The following ATXN8OS variants were observed in gnomAD, a reference collection of about 807,000 sequenced individuals.
The protein encoded by ATXN8OS is ATXN8 opposite strand lncRNA.
chr13:70,135,845 A>C (rs568952537), intron 3 of ATXN8OS, among the ~76,000 whole-genome samples: 6 of 152,342 alleles, frequency 3.9e-5, no homozygotes, highest in African/African-American at 1.2e-4. Context: ...TATCTAAAAA[A>C]CAAAACAAAA....
chr13:70,108,290 G>A, intron 1 of ATXN8OS: 1 of 362,862 alleles, frequency 2.8e-6, no homozygotes, highest in Non-Finnish European at 4.9e-6. Context: ...AGGATGCCCC[G>A]ATAGCCTGCC....
At chr13:70,107,916 G>A (rs1045410859) in exon 1 of ATXN8OS, 8 of 507,622 alleles carry the variant, frequency 1.6e-5, no homozygotes, top group Admixed American at 3.7e-5. Context: ...CGGGTCCGCA[G>A]GACCTGGGCG....
chr13:70,108,330 T>G (rs1449155926), intron 1 of ATXN8OS: 1 of 301,888 alleles, frequency 3.3e-6, no homozygotes, highest in Non-Finnish European at 6.0e-6. Context: ...AATTGCTTTC[T>G]GCAATGCCAG....
chr13:70,115,153 G>C, exon 2 of ATXN8OS: 1 of 398,166 alleles, frequency 2.5e-6, no homozygotes, highest in Non-Finnish European at 4.4e-6. Context: ...CTGGAGGCTG[G>C]GAAGTTCAAG....
chr13:70,120,310 C>CA (rs1566592806), intron 2 of ATXN8OS, among the ~76,000 whole-genome samples: 1 of 152,042 alleles, frequency 6.6e-6, no homozygotes, highest in South Asian at 2.1e-4. Context: ...AACTACTATA[C>CA]AAAAAATAGA....
intron 4 of ATXN8OS, among the ~76,000 whole-genome samples, chr13:70,157,154 T>C (rs1888947829): frequency 6.6e-6 from 1 of 152,124 alleles, no homozygotes; most frequent in South Asian, 2.1e-4. Flanking sequence ...GTAACAACAT[T>C]ATTTTAAAAT....
intron 4 of ATXN8OS, among the ~76,000 whole-genome samples, chr13:70,165,156 T>C (rs1351792574): frequency 6.6e-6 from 1 of 151,678 alleles, no homozygotes; most frequent in Non-Finnish European, 1.5e-5. Context: ...AGAAAATAAA[T>C]TCAAGGAAAA....
At chr13:70,161,009 T>G (rs2137504826) in intron 4 of ATXN8OS, among the ~76,000 whole-genome samples, 1 of 151,696 alleles carries the variant, frequency 6.6e-6, no homozygotes, top group East Asian at 1.9e-4. Context: ...GAGACAAATC[T>G]ACAGTTGAGA....
At chr13:70,131,236 A>G (rs1888529149) in intron 3 of ATXN8OS, 1 of 351,178 alleles carries the variant, frequency 2.8e-6, no homozygotes, top group Non-Finnish European at 4.8e-6. Flanking sequence ...AAATATTTGT[A>G]CAATTAATTT....
chr13:70,113,811 A>G (rs1179529895), intron 1 of ATXN8OS, among the ~76,000 whole-genome samples: 1 of 152,178 alleles, frequency 6.6e-6, no homozygotes, highest in Non-Finnish European at 1.5e-5. Flanking sequence ...CTGCATTATT[A>G]CCAGATCTTT....
chr13:70,137,168 A>T (rs1449907372), intron 3 of ATXN8OS, among the ~76,000 whole-genome samples: 1 of 152,226 alleles, frequency 6.6e-6, no homozygotes, highest in Non-Finnish European at 1.5e-5. Context: ...ATAATCATTA[A>T]TAGTCACTGG....
chr13:70,115,823 A>G (rs906386108), intron 2 of ATXN8OS, among the ~76,000 whole-genome samples: 1 of 152,096 alleles, frequency 6.6e-6, no homozygotes. Context: ...TATGAAAACA[A>G]ATAGAATTAT....
At chr13:70,128,784 G>T (rs769555930) in intron 2 of ATXN8OS, among the ~76,000 whole-genome samples, 2 of 151,638 alleles carry the variant, frequency 1.3e-5, no homozygotes, top group South Asian at 2.1e-4. Flanking sequence ...TCTCTTTAAG[G>T]TATCTTATGT....
intron 3 of ATXN8OS, among the ~76,000 whole-genome samples, chr13:70,141,604 ATATG>A (rs1309950159): frequency 6.6e-6 from 1 of 152,080 alleles, no homozygotes; most frequent in Non-Finnish European, 1.5e-5. Context: ...GTATATATAC[ATATG>A]TGTGTGTGTA....
chr13:70,129,635 T>C (rs1315665973), intron 2 of ATXN8OS: 4 of 393,278 alleles, frequency 1.0e-5, no homozygotes, highest in Non-Finnish European at 1.8e-5. Flanking sequence ...TATGTTACTA[T>C]GTTCTAAAGG....
chr13:70,146,017 A>G (rs1432806713), intron 3 of ATXN8OS, among the ~76,000 whole-genome samples: 1 of 138,766 alleles, frequency 7.2e-6, no homozygotes, highest in Admixed American at 7.4e-5. Flanking sequence ...TACTCATCTG[A>G]CAAAGGGCTA....
chr13:70,167,709 A>G (rs1889093471), intron 4 of ATXN8OS, among the ~76,000 whole-genome samples: 1 of 148,096 alleles, frequency 6.8e-6, no homozygotes, highest in Middle Eastern at 3.3e-3. Context: ...ATACTATCAC[A>G]ACATATGTAA....
chr13:70,108,983 G>C (rs1363441733), intron 1 of ATXN8OS, among the ~76,000 whole-genome samples: 1 of 152,190 alleles, frequency 6.6e-6, no homozygotes, highest in East Asian at 1.9e-4. Flanking sequence ...TGAACACGGG[G>C]GACGGGTTTT....
intron 2 of ATXN8OS, among the ~76,000 whole-genome samples, chr13:70,126,128 A>G (rs761679504): frequency 3.9e-5 from 6 of 152,110 alleles, no homozygotes; most frequent in Non-Finnish European, 8.8e-5. Flanking sequence ...CCGCAATTAT[A>G]TATTTGTACA....
Sources: allele counts gnomAD v4.1 joint callset (sites outside exome capture counted in the v4.1 genomes callset), GRCh38; gene constraint gnomAD v4.1.1; transcripts MANE v1.5; gene names NCBI Gene and HGNC (gene_info 2026-07-23, HGNC 2026-07-21).